SLC24A3: variants seen among roughly 807,000 people sequenced by gnomAD.
SLC24A3 encodes solute carrier family 24 member 3.
A neutral mutation model predicts 75.8 loss-of-function variants in SLC24A3; 28 were observed. The observed-to-expected ratio is 0.37, with a 90% CI of 0.27 to 0.51. The LOEUF (loss-of-function observed/expected upper bound fraction) is 0.51, where lower values mean the gene tolerates loss of function less well. Among genes scored for constraint, SLC24A3 ranks in the 20% least tolerant of loss-of-function variants. The pLI is 0.94. For missense variants in SLC24A3, 663 were observed against 847.8 expected, an observed-to-expected ratio of 0.78 and a Z score of 2.71; for synonymous variants, 372 against 334.1, an observed-to-expected ratio of 1.11 and a Z score of -1.24.
At position 19,212,777 on chromosome 20, in the gene SLC24A3, C is replaced by T; in HGVS notation, c.-66C>T. The T allele has an allele frequency of 1.0e-6, 1 of 976,996 alleles. No homozygotes were observed. The allele number at this position is 976,996 out of a possible 1,614,324, so 60.5% of individuals were successfully genotyped here. ...CGCAGGGCTGCCTCCTGCCGCTGTC[C>T]CCGCCGCGGCCGCCCGCGACAGGAG... On this transcript the variant is annotated 5_prime_UTR_variant, in exon 1 of 17. Transcript: ENST00000328041.
intron 2 of SLC24A3, among the ~76,000 whole-genome samples, chr20:19,289,432 C>T (rs1600413385): frequency 1.3e-5 from 2 of 152,204 alleles, no homozygotes; most frequent in East Asian, 3.9e-4. Flanking sequence ...GGTTGTCCAC[C>T]TGTACTCATG....
At chr20:19,644,627 A>G (rs1600318373) in intron 6 of SLC24A3, among the ~76,000 whole-genome samples, 1 of 152,176 alleles carries the variant, frequency 6.6e-6, no homozygotes, top group Admixed American at 6.5e-5. Context: ...ATATAGCCAA[A>G]TTTCTCTCTA....
At chr20:19,710,595 T>A (rs139950737) in intron 15 of SLC24A3, among the ~76,000 whole-genome samples, 37 of 152,344 alleles carry the variant, frequency 2.4e-4, no homozygotes, top group African/African-American at 8.7e-4. Flanking sequence ...ATTTTCTGCA[T>A]TGGCACTTAA....
In SLC24A3 at chr20:19,667,937, C is replaced by G. The variant is rs562544279; in HGVS notation, c.713+2048C>G. Among the ~76,000 whole-genome samples the G allele has an allele frequency of 2.6e-5, 4 of 152,308 alleles. No homozygotes were observed. The East Asian group carries it at 7.7e-4, about 29-fold the overall frequency. ...GTCATCAGAGCCCTCGCCCTGAGCA[C>G]CGAGGCTCCCTCTCATCCAATTATG... On this transcript the variant is annotated intron_variant, in intron 8 of 16. Transcript: ENST00000328041.
chr20:19,525,384 A>G (rs557421246), intron 3 of SLC24A3, among the ~76,000 whole-genome samples: 1 of 152,252 alleles, frequency 6.6e-6, no homozygotes, highest in Non-Finnish European at 1.5e-5. Flanking sequence ...ACTTTGGATG[A>G]TGGTCCCAGG....
At chr20:19,500,804 T>C (rs1333947045) in intron 2 of SLC24A3, among the ~76,000 whole-genome samples, 2 of 152,116 alleles carry the variant, frequency 1.3e-5, no homozygotes, top group Admixed American at 6.5e-5. Context: ...GGTAAACCAC[T>C]CCTCGTCTGG....
intron 2 of SLC24A3, among the ~76,000 whole-genome samples, chr20:19,402,284 C>G (rs923400358): frequency 6.6e-6 from 1 of 152,166 alleles, no homozygotes; most frequent in Non-Finnish European, 1.5e-5. Flanking sequence ...TTTACGAAAG[C>G]AGATTTGCTT....
intron 1 of SLC24A3, among the ~76,000 whole-genome samples, chr20:19,229,924 TCATCTC>T (rs1210756863): frequency 6.6e-6 from 1 of 152,224 alleles, no homozygotes; most frequent in African/African-American, 2.4e-5. Context: ...TTATGTCTTG[TCATCTC>T]CATCTTAGCT....
At position 19,653,316 on chromosome 20, in the gene SLC24A3, G is replaced by A. The variant is rs537707077; in HGVS notation, c.613-746G>A. Among the ~76,000 whole-genome samples, 5 of 152,322 alleles carry A rather than the reference G, an allele frequency of 3.3e-5. No homozygotes were observed. The East Asian group carries it at 7.7e-4, about 24-fold the overall frequency. ...CAATGTGCCTATCAGCTTCGTGTCA[G>A]CAGAGCCAGCATCTCTTTAAAAAGG... On this transcript the variant is annotated intron_variant, in intron 6 of 16. Transcript: ENST00000328041.
At chr20:19,497,469 C>A (rs1988309451) in intron 2 of SLC24A3, among the ~76,000 whole-genome samples, 1 of 152,094 alleles carries the variant, frequency 6.6e-6, no homozygotes, top group African/African-American at 2.4e-5. Context: ...GTCTCGGGTC[C>A]CATTTTGGGC....
intron 6 of SLC24A3, among the ~76,000 whole-genome samples, chr20:19,593,058 A>C (rs938542901): frequency 6.6e-6 from 1 of 152,062 alleles, no homozygotes; most frequent in South Asian, 2.1e-4. Flanking sequence ...AGCCTCCCCA[A>C]GTGCTGGACT....
At chr20:19,540,287 ACT>A (rs1036704260) in intron 3 of SLC24A3, among the ~76,000 whole-genome samples, 1 of 152,122 alleles carries the variant, frequency 6.6e-6, no homozygotes, top group Non-Finnish European at 1.5e-5. Context: ...TGACTCCAGA[ACT>A]TGTGTTCTGA....
rs951003231 is a variant in SLC24A3, at chr20:19,415,747, G to T, written c.272-99741G>T. 1.1e-4 allele frequency among the ~76,000 whole-genome samples: 16 copies of T among 152,194 alleles called. No homozygotes were observed. The South Asian group carries it at 1.7e-3, about 16-fold the overall frequency. On this transcript the variant is annotated intron_variant, in intron 2 of 16. Transcript: ENST00000328041. ...GCATGCATTTCAGAGAATTTGTTCT[G>T]TCAAGTGAATTATCTCATCCTATTA...
chr20:19,546,179 A>AAAAAAAAAAC (rs1555799268), intron 3 of SLC24A3, among the ~76,000 whole-genome samples: 1 of 147,466 alleles, frequency 6.8e-6, no homozygotes, highest in Admixed American at 6.7e-5. Context: ...AAAAAAAAAA[A>AAAAAAAAAAC]AAAAAAAAAC....
At chr20:19,332,664 C>A (rs1284231376) in intron 2 of SLC24A3, among the ~76,000 whole-genome samples, 4 of 152,134 alleles carry the variant, frequency 2.6e-5, no homozygotes, top group Non-Finnish European at 5.9e-5. Context: ...AGACCCAGTT[C>A]CACAGGGAGA....
rs566587099 is a variant in SLC24A3 at position 19,351,563 on chromosome 20, C to T, written c.271+70476C>T. ...TTAAGTGATTAAGCTTCCCATGGGC[C>T]CTTGTGTGTCCAACAACAGGGTTAG... On this transcript the variant is annotated intron_variant, in intron 2 of 16. Coordinates refer to ENST00000328041, the MANE Select transcript of SLC24A3 (RefSeq NM_020689.4). 3.3e-5 allele frequency among the ~76,000 whole-genome samples: 5 copies of T among 152,222 alleles called. No homozygotes were observed. The South Asian group carries it at 6.2e-4, about 19-fold the overall frequency.
chr20:19,477,048 C>T (rs1301170660), intron 2 of SLC24A3, among the ~76,000 whole-genome samples: 1 of 152,000 alleles, frequency 6.6e-6, no homozygotes, highest in Non-Finnish European at 1.5e-5. Flanking sequence ...GGTGCCTAGC[C>T]ATAGTAAGGA....
intron 1 of SLC24A3, among the ~76,000 whole-genome samples, chr20:19,277,486 A>C (rs1168876707): frequency 6.6e-6 from 1 of 152,242 alleles, no homozygotes; most frequent in Non-Finnish European, 1.5e-5. Context: ...CTAGCTCAGC[A>C]GGAGTTTTGT....
At chr20:19,381,089 A>C (rs1986172895) in intron 2 of SLC24A3, among the ~76,000 whole-genome samples, 1 of 152,194 alleles carries the variant, frequency 6.6e-6, no homozygotes, top group Non-Finnish European at 1.5e-5. Flanking sequence ...AATGACTATC[A>C]CTAATATACA....
Sources: gnomAD v4.1 joint callset for allele counts (sites outside exome capture counted in the v4.1 genomes callset) on GRCh38, gnomAD v4.1.1 for gene constraint, MANE v1.5 for transcripts, NCBI Gene and HGNC (gene_info 2026-07-23, HGNC 2026-07-21) for gene names.